Variants in YAP1 observed in about 807,000 individuals in gnomAD.
The protein encoded by YAP1 is Yes1 associated transcriptional regulator, also known as transcriptional coactivator YAP1.
Under a neutral mutation model 56.9 loss-of-function variants are expected in YAP1, and 5 were observed. The observed-to-expected ratio is 0.09, with a 90% CI of 0.05 to 0.18. The LOEUF is 0.18. Ranked by LOEUF, YAP1 falls within the 10% of genes least tolerant of loss-of-function variation. The pLI is 1.00. For missense variants in YAP1, 539 were observed against 651.8 expected (o/e 0.83, Z 1.88); for synonymous variants, 265 against 248.1 (o/e 1.07, Z -0.64).
Position 102,209,500 on chromosome 11 carries a change from T to A in YAP1, c.985-17T>A. 6.2e-7 allele frequency: 1 copy of A among 1,601,278 alleles called. No individual in the cohort carries two copies. Among genetic ancestry groups the A allele is most frequent in the Non-Finnish European group, 8.5e-7 (1 of 1,174,946 alleles). ...TGGCTTAAAGTAATTTTTATCCGTC[T>A]TATTTTTTACTCTTAGGCAATGCGG... On this transcript the variant is annotated splice_polypyrimidine_tract_variant and intron_variant, in intron 5 of 8. Transcript: ENST00000282441.
At chr11:102,147,402 T>G (rs191315407) in intron 2 of YAP1, among the ~76,000 whole-genome samples, 1 of 152,318 alleles carries the variant, frequency 6.6e-6, no homozygotes, top group Non-Finnish European at 1.5e-5. Context: ...TGCGGGAGTT[T>G]GAGGGCTAAT....
intron 2 of YAP1, among the ~76,000 whole-genome samples, chr11:102,149,045 T>G (rs1317297541): frequency 6.6e-6 from 1 of 152,216 alleles, no homozygotes; most frequent in African/African-American, 2.4e-5. Flanking sequence ...CCTCTTCATG[T>G]GTTGCTATGT....
intron 3 of YAP1, among the ~76,000 whole-genome samples, chr11:102,163,271 T>C (rs749266062): frequency 1.4e-4 from 21 of 152,274 alleles, no homozygotes; most frequent in Non-Finnish European, 2.4e-4. Context: ...AGGGAAGATA[T>C]GAAAGGAAAT....
chr11:102,130,443 G>C (rs900114192), intron 2 of YAP1, among the ~76,000 whole-genome samples: 5 of 151,914 alleles, frequency 3.3e-5, no homozygotes, highest in African/African-American at 1.2e-4. Flanking sequence ...CATTCCAGTT[G>C]CCCAGGCTGG....
chr11:102,216,060 G>A (rs1269629157), intron 6 of YAP1, among the ~76,000 whole-genome samples: 3 of 152,120 alleles, frequency 2.0e-5, no homozygotes, highest in African/African-American at 4.8e-5. Context: ...GAAGTGAAAT[G>A]GAAATTTCGG....
intron 2 of YAP1, among the ~76,000 whole-genome samples, chr11:102,121,548 A>T (rs1222696989): frequency 6.6e-6 from 1 of 152,102 alleles, no homozygotes; most frequent in Non-Finnish European, 1.5e-5. Flanking sequence ...CTGGAATGTG[A>T]ATCCTCTCTT....
intron 2 of YAP1, among the ~76,000 whole-genome samples, chr11:102,129,700 T>A (rs748151737): frequency 6.6e-6 from 1 of 151,790 alleles, no homozygotes; most frequent in Non-Finnish European, 1.5e-5. Flanking sequence ...TATCTCAAGT[T>A]GAATTTCTCC....
intron 1 of YAP1, chr11:102,112,465 A>G (rs530906705): frequency 2.1e-6 from 2 of 947,802 alleles, no homozygotes; most frequent in African/African-American, 4.4e-5. Flanking sequence ...GCTTCAGGCT[A>G]AACTTCAGCA....
intron 6 of YAP1, among the ~76,000 whole-genome samples, chr11:102,215,548 C>T (rs1002245470): frequency 1.3e-5 from 2 of 152,188 alleles, no homozygotes; most frequent in African/African-American, 4.8e-5. Context: ...GATCTCGGCT[C>T]ACTGCAACCT....
rs151047189 is a variant in YAP1, at chr11:102,180,818, T to C, written c.689-5200T>C. Among the ~76,000 whole-genome samples, 98 of 151,680 alleles carry C rather than the reference T, an allele frequency of 6.5e-4. 1 individual carries two copies. In the South Asian group the frequency reaches 7.3e-3, roughly 11 times the overall value. On this transcript the variant is annotated intron_variant, in intron 3 of 8. Transcript: ENST00000282441. ...TCATCTGTATTGAGGAAGTGAAAAG[T>C]TCTCAACTAAAAATGTTTCGAAGCT...
chr11:102,203,839 G>A (rs139443294), intron 4 of YAP1, among the ~76,000 whole-genome samples: 1 of 152,100 alleles, frequency 6.6e-6, no homozygotes, highest in Non-Finnish European at 1.5e-5. Flanking sequence ...GGACTTAAGG[G>A]TAAGTTTATT....
chr11:102,168,239 T>G (rs1946715793), intron 3 of YAP1, among the ~76,000 whole-genome samples: 1 of 152,160 alleles, frequency 6.6e-6, no homozygotes, highest in Non-Finnish European at 1.5e-5. Flanking sequence ...TATATTAAAT[T>G]TTTAAATAGT....
intron 2 of YAP1, among the ~76,000 whole-genome samples, chr11:102,130,262 A>G (rs916915783): frequency 2.0e-5 from 3 of 152,162 alleles, no homozygotes; most frequent in Non-Finnish European, 4.4e-5. Flanking sequence ...CGTGTAAAAT[A>G]AGGAAGTGTG....
intron 2 of YAP1, among the ~76,000 whole-genome samples, chr11:102,125,462 C>T (rs1331673605): frequency 6.6e-6 from 1 of 151,466 alleles, no homozygotes; most frequent in African/African-American, 2.4e-5. Context: ...CTGCAGCCTC[C>T]GCCTCCTGGG....
intron 6 of YAP1, among the ~76,000 whole-genome samples, chr11:102,217,358 T>G (rs972589848): frequency 2.0e-5 from 3 of 152,200 alleles, no homozygotes; most frequent in African/African-American, 7.2e-5. Context: ...TTAAGGTTTT[T>G]TTAAATTTTT....
chr11:102,124,797 G>A (rs1242301044), intron 2 of YAP1, among the ~76,000 whole-genome samples: 4 of 152,070 alleles, frequency 2.6e-5, no homozygotes, highest in South Asian at 2.1e-4. Context: ...GTGCAGTGGC[G>A]CCATCTCAGC....
intron 3 of YAP1, among the ~76,000 whole-genome samples, chr11:102,170,981 G>GA (rs1462520980): frequency 1.5e-5 from 2 of 137,600 alleles, no homozygotes; most frequent in Admixed American, 7.3e-5. Flanking sequence ...AAAAAAAAAA[G>GA]AAAAAAAAAA....
At chr11:102,133,698 G>A (rs1944506183) in intron 2 of YAP1, among the ~76,000 whole-genome samples, 2 of 152,214 alleles carry the variant, frequency 1.3e-5, no homozygotes, top group African/African-American at 2.4e-5. Context: ...GATGACAATA[G>A]CATATTAGGC....
chr11:102,199,689 A>G (rs1464682953), intron 4 of YAP1, among the ~76,000 whole-genome samples: 2 of 152,204 alleles, frequency 1.3e-5, no homozygotes, highest in East Asian at 1.9e-4. Context: ...AAATCTCTAT[A>G]GGTCAGAAAA....
Sources: gnomAD v4.1 joint callset for allele counts (sites outside exome capture counted in the v4.1 genomes callset) on GRCh38, gnomAD v4.1.1 for gene constraint, MANE v1.5 for transcripts, NCBI Gene and HGNC (gene_info 2026-07-23, HGNC 2026-07-21) for gene names.